Variants in RFC1 observed in about 807,000 individuals in gnomAD.
RFC1 encodes the protein replication factor C subunit 1.
RFC1 carries 37 observed loss-of-function variants against 137.4 expected under a neutral mutation model. That is an observed-to-expected ratio of 0.27 (90% confidence interval 0.21 to 0.35). RFC1 has a LOEUF of 0.35. Among genes scored for constraint, RFC1 ranks in the 10% least tolerant of loss-of-function variants. The probability of loss-of-function intolerance (pLI) is 1.00; values close to 1 mark genes in which losing one functional copy is unlikely to be tolerated. For synonymous variants in RFC1, 429 were observed against 455.7 expected, an observed-to-expected ratio of 0.94 and a Z score of 0.75; for missense variants, 1,205 against 1,358.5, an observed-to-expected ratio of 0.89 and a Z score of 1.78.
chr4:39,325,810 C>T (rs1051130019), intron 6 of RFC1, among the ~76,000 whole-genome samples: 1 of 152,232 alleles, frequency 6.6e-6, no homozygotes, highest in African/African-American at 2.4e-5. Flanking sequence ...ACATCTCTCA[C>T]CTACCATTCA....
At chr4:39,309,134 G>T (rs191807235) in intron 12 of RFC1, 102 bp from the exon 13 acceptor site, 1 of 1,279,354 alleles carries the variant, frequency 7.8e-7, no homozygotes, top group Non-Finnish European at 1.1e-6. Flanking sequence ...TATCCAAGTG[G>T]GCTACTCAAC....
intron 6 of RFC1, among the ~76,000 whole-genome samples, 190 bp from the exon 7 acceptor site, chr4:39,323,607 G>A (rs912870981): frequency 6.6e-6 from 1 of 152,154 alleles, no homozygotes; most frequent in African/African-American, 2.4e-5. Context: ...ATCAGATTTT[G>A]GAACATACAG....
intron 22 of RFC1, 87 bp downstream of exon 22, chr4:39,295,527 A>T: frequency 2.6e-6 from 3 of 1,153,786 alleles, no homozygotes; most frequent in Non-Finnish European, 3.6e-6. Flanking sequence ...ACTAAAACAC[A>T]AATCTTTTGA....
chr4:39,356,879 G>T (rs1741505448), intron 1 of RFC1, among the ~76,000 whole-genome samples: 1 of 152,186 alleles, frequency 6.6e-6, no homozygotes, highest in Non-Finnish European at 1.5e-5. Flanking sequence ...AAACACTGGT[G>T]AGTGAAATAT....
In RFC1 at chr4:39,356,183, G is replaced by A. The variant is rs146510372; in HGVS notation, c.4-4707C>T. ...TGGGAGGCCGAGGCGGGTGGATTAC[G>A]AGGTCAGGAGTTCCAGACTGGCCTG... is the stretch of plus-strand genomic sequence containing the variant. On this transcript the variant is annotated intron_variant, in intron 1 of 24. Transcript: ENST00000349703. 4.1e-3 allele frequency among the ~76,000 whole-genome samples: 618 copies of A among 152,042 alleles called. 4 individuals carry two copies. Among genetic ancestry groups the A allele is most frequent in the Non-Finnish European group, 6.3e-3 (425 of 67,986 alleles).
At chr4:39,332,874 T>C (rs1177926596) in intron 4 of RFC1, among the ~76,000 whole-genome samples, 2 of 152,150 alleles carry the variant, frequency 1.3e-5, no homozygotes, top group African/African-American at 2.4e-5. Context: ...TCCCAGCACT[T>C]TGGGAGGCCA....
chr4:39,326,518 G>C (rs1223897552), intron 6 of RFC1, 45 bp downstream of exon 6: 1 of 1,504,008 alleles, frequency 6.6e-7, no homozygotes, highest in Non-Finnish European at 9.2e-7. Context: ...TAAATAGCTA[G>C]TCAGAATATC....
At position 39,298,177 on chromosome 4, in the gene RFC1, G is replaced by A. The variant is rs766225618; in HGVS notation, c.2808+1844C>T. 2.7e-4 allele frequency among the ~76,000 whole-genome samples: 41 copies of A among 151,978 alleles called. 1 individual carries two copies. The highest frequency in any genetic ancestry group is 1.9e-4 in the Non-Finnish European group (13 of 68,004). ...TACAAAAATTAGCTGGCATGATGGC[G>A]CACACCTATGGTCCCAGCTACTTGC... On this transcript the variant is annotated intron_variant, in intron 21 of 24. Coordinates refer to ENST00000349703, the MANE Select transcript of RFC1 (RefSeq NM_002913.5).
intron 19 of RFC1, among the ~76,000 whole-genome samples, chr4:39,301,966 AC>A: frequency 6.6e-6 from 1 of 152,352 alleles, no homozygotes; most frequent in East Asian, 1.9e-4. Flanking sequence ...ATTATTCTGA[AC>A]AGTGCAAAAC....
chr4:39,311,097 C>T (rs1738940710), intron 12 of RFC1, among the ~76,000 whole-genome samples: 1 of 152,102 alleles, frequency 6.6e-6, no homozygotes, highest in Non-Finnish European at 1.5e-5. Flanking sequence ...TCCGAGATCA[C>T]ACCACTGCAC....
intron 1 of RFC1, among the ~76,000 whole-genome samples, chr4:39,355,691 T>G (rs978643979): frequency 2.0e-5 from 3 of 152,168 alleles, no homozygotes; most frequent in Non-Finnish European, 4.4e-5. Context: ...CGCACTATAC[T>G]GCTGATAAAA....
In RFC1 at chr4:39,308,918, T is replaced by C; in HGVS notation, c.1603A>G (p.Arg535Gly). The stretch of plus-strand genomic sequence containing the variant: ...TTTATTGTCTTTGCCAAACTGTCCC[T>C]TTTGGAAGTCGGCCTGCTCTTTTTA... ...ESKKSRPTSKRDSLAKTIKKE... is the reference protein window; with the variant it reads ...ESKKSRPTSKGDSLAKTIKKE... Residue 535 changes from arginine to glycine, a missense_variant, in exon 13 of 25, where the codon AGG (arginine) becomes GGG (glycine). Physicochemically the swap from Arg to Gly is moderately radical, Grantham distance 125. This residue lies in a region of RFC1 where 962 missense variants were observed against 1,035.3 expected (regional missense o/e 0.93). Transcript: ENST00000349703. 6.2e-7 allele frequency: 1 copy of C among 1,614,212 alleles called. No homozygotes were observed. The highest frequency in any genetic ancestry group is 8.5e-7 in the Non-Finnish European group (1 of 1,180,030).
At chr4:39,347,770 C>T (rs1489769605) in intron 2 of RFC1, among the ~76,000 whole-genome samples, 1 of 152,140 alleles carries the variant, frequency 6.6e-6, no homozygotes, top group Non-Finnish European at 1.5e-5. Flanking sequence ...CATATATCAT[C>T]ATGAACAGAA....
chr4:39,303,603 G>A (rs1318707667), intron 15 of RFC1, among the ~76,000 whole-genome samples: 1 of 152,092 alleles, frequency 6.6e-6, no homozygotes, highest in Non-Finnish European at 1.5e-5. Context: ...ACAGGCGCAC[G>A]CCACCACACC....
chr4:39,298,130 G>A (rs576482381), intron 21 of RFC1, among the ~76,000 whole-genome samples: 6 of 152,112 alleles, frequency 3.9e-5, no homozygotes, highest in South Asian at 2.1e-4. Flanking sequence ...CCAACATGGC[G>A]AAACCCCGTC....
At position 39,304,782 on chromosome 4, in the gene RFC1, TAAC is replaced by T. The variant is rs773686680; in HGVS notation, c.2110+29_2110+31del. ...TTGAAATGAACATATTTTTCTTATA[TAAC>T]AACAACAGGAGGTCAAAAAGCCACA... On this transcript the variant is annotated intron_variant, in intron 15 of 24. Transcript: ENST00000349703. 2.1e-5 allele frequency: 26 copies of T among 1,214,478 alleles called. No homozygotes were observed. In the African/African-American group the frequency reaches 2.8e-4, roughly 13 times the overall value. 75.2% of individuals were successfully genotyped at this position (1,214,478 alleles called of 1,614,324 possible).
intron 21 of RFC1, among the ~76,000 whole-genome samples, chr4:39,298,834 T>C (rs1191962013): frequency 6.6e-6 from 1 of 152,196 alleles, no homozygotes; most frequent in Non-Finnish European, 1.5e-5. Flanking sequence ...TAAGGCCAGA[T>C]TGGGCCGGGC....
chr4:39,322,995 G>A (rs192000163), intron 7 of RFC1, among the ~76,000 whole-genome samples: 3 of 152,146 alleles, frequency 2.0e-5, no homozygotes, highest in African/African-American at 7.2e-5. Flanking sequence ...TGAGGCAGGA[G>A]GATCACTTGA....
chr4:39,306,767 G>A, intron 13 of RFC1, 66 bp from the exon 14 acceptor site: 1 of 894,144 alleles, frequency 1.1e-6, no homozygotes, highest in East Asian at 2.5e-5. Context: ...AAGCATGGCA[G>A]AAATAGTTAT....
Sources: gnomAD v4.1 joint callset for allele counts (sites outside exome capture counted in the v4.1 genomes callset) on GRCh38, gnomAD v4.1.1 for gene constraint, gnomAD v4.1.1 regional missense constraint, MANE v1.5 for transcripts, NCBI Gene and HGNC (gene_info 2026-07-23, HGNC 2026-07-21) for gene names.